ROBO1: variants seen among roughly 807,000 people sequenced by gnomAD.
The protein encoded by ROBO1 is roundabout guidance receptor 1, also known as roundabout homolog 1.
ROBO1 carries 149 observed loss-of-function variants against 195.9 expected under a neutral mutation model. The ratio of observed to expected loss-of-function variants is 0.76; its 90% CI spans 0.67 to 0.87. The LOEUF is 0.87. ROBO1 is among the 40% of genes least tolerant of loss of function. The probability of loss-of-function intolerance (pLI) is 0.00; values close to 1 mark genes in which losing one functional copy is unlikely to be tolerated. For synonymous variants in ROBO1, 816 were observed against 733.2 expected (o/e 1.11, Z -1.82); for missense variants, 1,933 against 2,068.3 (o/e 0.93, Z 1.27).
At chr3:78,988,986 G>A (rs2077174487) in intron 3 of ROBO1, among the ~76,000 whole-genome samples, 1 of 152,108 alleles carries the variant, frequency 6.6e-6, no homozygotes, top group Non-Finnish European at 1.5e-5. Context: ...AAAAGTAGAA[G>A]AGACAGGCTG....
intron 3 of ROBO1, chr3:79,018,402 G>T (rs372110538): frequency 8.1e-6 from 13 of 1,613,752 alleles, no homozygotes; most frequent in Non-Finnish European, 1.1e-5. Context: ...AAGACGCGGG[G>T]TTACCTGAAC....
intron 7 of ROBO1, 60 bp downstream of exon 7, chr3:78,717,215 G>A (rs2081923452): frequency 6.7e-7 from 1 of 1,491,208 alleles, no homozygotes; most frequent in Admixed American, 2.3e-5. Flanking sequence ...TGGAGATGAT[G>A]TGATGAGAAA....
intron 1 of ROBO1, among the ~76,000 whole-genome samples, chr3:79,676,039 T>C (rs1398686660): frequency 6.6e-6 from 1 of 152,046 alleles, no homozygotes; most frequent in African/African-American, 2.4e-5. Context: ...GCTTTTCTCT[T>C]GTGAATCTAT....
chr3:78,801,804 CAG>C (rs1428893168), intron 4 of ROBO1, among the ~76,000 whole-genome samples: 1 of 151,980 alleles, frequency 6.6e-6, no homozygotes, highest in East Asian at 1.9e-4. Context: ...AATTTACAAA[CAG>C]GGATATTCTG....
chr3:79,583,934 T>C (rs1943737901), intron 2 of ROBO1, among the ~76,000 whole-genome samples: 1 of 151,970 alleles, frequency 6.6e-6, no homozygotes, highest in Admixed American at 6.6e-5. Flanking sequence ...ATTGCCAAGG[T>C]ATAGTGTTTC....
intron 19 of ROBO1, among the ~76,000 whole-genome samples, chr3:78,651,218 C>T (rs569443858): frequency 6.6e-6 from 1 of 152,094 alleles, no homozygotes; most frequent in Admixed American, 6.6e-5. Flanking sequence ...AAGGGACTAA[C>T]CCTCTTCTCT....
chr3:78,978,526 A>C (rs1199756867), intron 3 of ROBO1, among the ~76,000 whole-genome samples: 1 of 152,124 alleles, frequency 6.6e-6, no homozygotes, highest in East Asian at 1.9e-4. Flanking sequence ...TCACAGTGAC[A>C]TTATAAAGTA....
chr3:78,846,047 T>G (rs1192723489), intron 4 of ROBO1, among the ~76,000 whole-genome samples: 1 of 152,108 alleles, frequency 6.6e-6, no homozygotes, highest in East Asian at 1.9e-4. Flanking sequence ...CCAAAGATTT[T>G]TTTTTTCCTC....
chr3:79,754,545 C>T (rs376230591), intron 1 of ROBO1, among the ~76,000 whole-genome samples: 19 of 152,156 alleles, frequency 1.2e-4, no homozygotes, highest in African/African-American at 3.1e-4. Context: ...GAAGATCCTG[C>T]GAATGACCGA....
At chr3:78,957,551 G>A (rs894964403) in intron 3 of ROBO1, among the ~76,000 whole-genome samples, 5 of 152,136 alleles carry the variant, frequency 3.3e-5, no homozygotes, top group Non-Finnish European at 5.9e-5. Context: ...TACAATGAGT[G>A]GGAGCAAATG....
At chr3:78,731,854 G>T (rs1214463586) in intron 5 of ROBO1, among the ~76,000 whole-genome samples, 1 of 151,992 alleles carries the variant, frequency 6.6e-6, no homozygotes, top group East Asian at 1.9e-4. Context: ...AGTTCTTCCT[G>T]CAGTACACGA....
intron 3 of ROBO1, among the ~76,000 whole-genome samples, chr3:79,057,040 G>C (rs1468762449): frequency 6.6e-6 from 1 of 151,910 alleles, no homozygotes; most frequent in Non-Finnish European, 1.5e-5. Flanking sequence ...GATTTTATTG[G>C]CATTTTTGGC....
At chr3:79,435,550 C>A (rs570902511) in intron 2 of ROBO1, among the ~76,000 whole-genome samples, 1 of 152,202 alleles carries the variant, frequency 6.6e-6, no homozygotes, top group Non-Finnish European at 1.5e-5. Flanking sequence ...ATTTCTATAG[C>A]ATTTTAGGCT....
intron 3 of ROBO1, among the ~76,000 whole-genome samples, chr3:79,108,250 A>C (rs766086018): frequency 6.6e-6 from 1 of 151,812 alleles, no homozygotes; most frequent in African/African-American, 2.4e-5. Context: ...AGACAGCAGA[A>C]GCAACAGGGA....
At chr3:79,722,797 T>G (rs975286188) in intron 1 of ROBO1, among the ~76,000 whole-genome samples, 1 of 152,024 alleles carries the variant, frequency 6.6e-6, no homozygotes, top group African/African-American at 2.4e-5. Flanking sequence ...GTTACTGCAG[T>G]AGCTGGAAAA....
intron 4 of ROBO1, among the ~76,000 whole-genome samples, chr3:78,749,800 C>T (rs1488995576): frequency 6.6e-6 from 1 of 152,146 alleles, no homozygotes; most frequent in Non-Finnish European, 1.5e-5. Context: ...TGAAAAGCTT[C>T]TCCTTTTCTC....
chr3:79,337,154 G>C (rs1180670546), intron 2 of ROBO1, among the ~76,000 whole-genome samples: 2 of 152,138 alleles, frequency 1.3e-5, no homozygotes, highest in Admixed American at 6.5e-5. Context: ...TGAGACTTTG[G>C]ACTATGGACT....
chr3:79,535,715 C>A (rs898958882), intron 2 of ROBO1, among the ~76,000 whole-genome samples: 4 of 151,970 alleles, frequency 2.6e-5, no homozygotes, highest in African/African-American at 9.7e-5. Flanking sequence ...TTACTCCCTG[C>A]CATTTCTTAC....
At chr3:79,459,440 ATTAG>A (rs1457469745) in intron 2 of ROBO1, among the ~76,000 whole-genome samples, 1 of 152,156 alleles carries the variant, frequency 6.6e-6, no homozygotes, top group Non-Finnish European at 1.5e-5. Context: ...GATTAAGAGA[ATTAG>A]TTTTGATAAG....
Sources: allele counts gnomAD v4.1 joint callset (sites outside exome capture counted in the v4.1 genomes callset), GRCh38; gene constraint gnomAD v4.1.1; transcripts MANE v1.5; gene names NCBI Gene and HGNC (gene_info 2026-07-23, HGNC 2026-07-21).